The following THSD4 variants were observed in gnomAD, a reference collection of about 807,000 sequenced individuals.
The protein encoded by THSD4 is thrombospondin type-1 domain-containing protein 4.
THSD4 carries 69 observed loss-of-function variants against 119.0 expected under a neutral mutation model. The observed-to-expected ratio is 0.58, with a 90% confidence interval of 0.48 to 0.71. The LOEUF (loss-of-function observed/expected upper bound fraction) is 0.71. THSD4 is among the 30% of genes least tolerant of loss of function. The probability of loss-of-function intolerance (pLI) is 0.00; values close to 1 mark genes in which losing one functional copy is unlikely to be tolerated. For missense variants in THSD4, 1,393 were observed against 1,391.1 expected, an observed-to-expected ratio of 1.00 and a Z score of -0.02; for synonymous variants, 524 against 540.4, an observed-to-expected ratio of 0.97 and a Z score of 0.42.
intron 6 of THSD4, among the ~76,000 whole-genome samples, chr15:71,272,202 A>G (rs11632315): frequency 0.27 from 41,500 of 151,576 alleles, 6,090 homozygotes; most frequent in East Asian, 0.54. Context: ...GGAATTCGAG[A>G]CCAGCCTGGC....
chr15:71,777,429 C>CA lies in THSD4; in HGVS notation c.*56dup. On this transcript the variant is annotated 3_prime_UTR_variant, in exon 18 of 18. Transcript: ENST00000261862. ...ATCACTGCCTTCCCGGGGGCTTCAG[C>CA]AGTGCGCCTGGCTGGCTGCTGCTCC... 1 of 1,565,218 alleles carries CA rather than the reference C, an allele frequency of 6.4e-7. No individual in the cohort carries two copies. The highest frequency in any genetic ancestry group is 1.1e-5 in the South Asian group (1 of 87,042).
Position 71,192,949 on chromosome 15 carries a change from G to A in THSD4, c.100-22086G>A, listed in dbSNP as rs1044603071. On this transcript the variant is annotated intron_variant, in intron 3 of 17. Coordinates refer to ENST00000261862, the MANE Select transcript of THSD4 (RefSeq NM_024817.3). ...GAATCGTTTTTCTTCCTACGTTTCT[G>A]TTTTTAAAGTTTGCATAAAATGGAG... 2.6e-5 allele frequency among the ~76,000 whole-genome samples: 4 copies of A among 152,134 alleles called. No individual in the cohort carries two copies. The East Asian group carries it at 7.7e-4, about 29-fold the overall frequency.
intron 8 of THSD4, among the ~76,000 whole-genome samples, chr15:71,698,630 T>C (rs921780167): frequency 6.7e-6 from 1 of 149,524 alleles, no homozygotes; most frequent in Non-Finnish European, 1.5e-5. Flanking sequence ...GTGAAATATA[T>C]ACATGCATGT....
chr15:71,686,953 A>G (rs1456305064), intron 8 of THSD4, among the ~76,000 whole-genome samples: 3 of 152,166 alleles, frequency 2.0e-5, no homozygotes, highest in African/African-American at 7.2e-5. Context: ...ACTGGTTAAG[A>G]CTTAGGAATA....
chr15:71,314,128 G>T (rs2045153003), intron 6 of THSD4, among the ~76,000 whole-genome samples: 1 of 151,996 alleles, frequency 6.6e-6, no homozygotes, highest in Non-Finnish European at 1.5e-5. Context: ...GATCATTTTA[G>T]CCATATGATT....
chr15:71,727,585 TATACAC>T (rs1339061538), intron 8 of THSD4, among the ~76,000 whole-genome samples: 2 of 6,468 alleles, frequency 3.1e-4, no homozygotes, highest in African/African-American at 5.2e-4. Flanking sequence ...TATATATATA[TATACAC>T]ACACACACAC....
At position 71,747,648 on chromosome 15, in the gene THSD4, AC is replaced by A. The variant is rs531990440; in HGVS notation, c.2241+607del. Among the ~76,000 whole-genome samples the A allele has an allele frequency of 1.1e-3, 172 of 152,338 alleles. 1 individual carries two copies. The highest frequency in any genetic ancestry group is 3.4e-3 in the Middle Eastern group (1 of 294). ...AGGTTGCAATCACTGGCTACAGATG[AC>A]GACATACAGGCTAAAATGTTTTAAG... is the stretch of plus-strand genomic sequence containing the variant. On this transcript the variant is annotated intron_variant, in intron 13 of 17. Transcript: ENST00000261862.
At chr15:71,552,171 G>T (rs2048941735) in intron 7 of THSD4, among the ~76,000 whole-genome samples, 1 of 152,182 alleles carries the variant, frequency 6.6e-6, no homozygotes, top group African/African-American at 2.4e-5. Context: ...ATTGTGAGGG[G>T]ATGTGGCGGG....
At chr15:71,243,959 GT>G (rs533094732) in intron 5 of THSD4, among the ~76,000 whole-genome samples, 1 of 151,548 alleles carries the variant, frequency 6.6e-6, no homozygotes, top group African/African-American at 2.4e-5. Flanking sequence ...TAATTTTTCT[GT>G]TTTTTTAGTA....
At chr15:71,228,553 A>G (rs925112166) in intron 4 of THSD4, among the ~76,000 whole-genome samples, 31 of 152,248 alleles carry the variant, frequency 2.0e-4, no homozygotes, top group African/African-American at 7.2e-4. Context: ...TAAACCTCAT[A>G]GGACCCTTAT....
chr15:71,371,071 G>A (rs1317276041), intron 6 of THSD4, among the ~76,000 whole-genome samples: 2 of 152,086 alleles, frequency 1.3e-5, no homozygotes, highest in Non-Finnish European at 2.9e-5. Flanking sequence ...GTGGTTTAAA[G>A]TCTGTTTTAT....
intron 5 of THSD4, among the ~76,000 whole-genome samples, chr15:71,248,674 A>G (rs1567169037): frequency 6.6e-6 from 1 of 152,080 alleles, no homozygotes; most frequent in Non-Finnish European, 1.5e-5. Context: ...TTGACAATGG[A>G]TTTATCCATA....
intron 6 of THSD4, among the ~76,000 whole-genome samples, chr15:71,278,766 C>T (rs1470138780): frequency 1.3e-5 from 2 of 152,100 alleles, no homozygotes; most frequent in South Asian, 4.2e-4. Flanking sequence ...GGCAGACAAA[C>T]CTTGTCACGA....
chr15:71,677,247 A>G (rs1222666848), intron 8 of THSD4, among the ~76,000 whole-genome samples: 1 of 152,162 alleles, frequency 6.6e-6, no homozygotes, highest in Non-Finnish European at 1.5e-5. Context: ...GTCACAAACA[A>G]CTCAAAGTGA....
At chr15:71,235,052 C>A in intron 4 of THSD4, among the ~76,000 whole-genome samples, 1 of 152,212 alleles carries the variant, frequency 6.6e-6, no homozygotes, top group East Asian at 1.9e-4. Flanking sequence ...TACGTGTGGT[C>A]ATACGAAAGT....
chr15:71,772,962 A>G (rs2053847644), intron 17 of THSD4, among the ~76,000 whole-genome samples: 1 of 152,212 alleles, frequency 6.6e-6, no homozygotes, highest in Non-Finnish European at 1.5e-5. Context: ...TAATTCCAGC[A>G]CTTTGGGAGG....
chr15:71,372,193 A>G (rs1485730407), intron 6 of THSD4, among the ~76,000 whole-genome samples: 1 of 152,076 alleles, frequency 6.6e-6, no homozygotes, highest in Non-Finnish European at 1.5e-5. Context: ...ATCTTTTTTC[A>G]AGGTTTTTAG....
intron 6 of THSD4, among the ~76,000 whole-genome samples, chr15:71,344,302 C>G (rs568890030): frequency 8.6e-5 from 13 of 151,762 alleles, no homozygotes; most frequent in African/African-American, 3.1e-4. Context: ...CTCGGCCCCC[C>G]AAAGTACTGG....
In THSD4 at chr15:71,297,320, TTTTGTTTG is replaced by T. The variant is rs1555461740; in HGVS notation, c.1015+40629_1015+40636del. On this transcript the variant is annotated intron_variant, in intron 6 of 17. Coordinates refer to ENST00000261862, the MANE Select transcript of THSD4 (RefSeq NM_024817.3). ...AAGTCCTTTGCTCTCCTCTTCTTTT[TTTTGTTTG>T]TTTGTTTGTTTGTTTGTTTGTTTCT... 7.3e-4 allele frequency among the ~76,000 whole-genome samples: 108 copies of T among 148,090 alleles called. 2 individuals are homozygous for T. Among genetic ancestry groups the T allele is most frequent in the African/African-American group, 2.3e-3 (92 of 40,200 alleles).
Sources: gnomAD v4.1 joint callset for allele counts (sites outside exome capture counted in the v4.1 genomes callset) on GRCh38, gnomAD v4.1.1 for gene constraint, MANE v1.5 for transcripts, NCBI Gene and HGNC (gene_info 2026-07-23, HGNC 2026-07-21) for gene names.